FRYL: variants seen among roughly 807,000 people sequenced by gnomAD.
FRYL encodes FRY like transcription coactivator, also known as protein furry homolog-like.
FRYL carries 150 observed loss-of-function variants against 351.2 expected under a neutral mutation model. The observed-to-expected ratio is 0.43, with a 90% CI of 0.37 to 0.49. FRYL has a LOEUF of 0.49. FRYL is among the 20% of genes least tolerant of loss of function. FRYL has a pLI of 0.00. For synonymous variants in FRYL, 1,153 were observed against 1,257.1 expected, an observed-to-expected ratio of 0.92 and a Z score of 1.75; for missense variants, 3,036 against 3,619.3, an observed-to-expected ratio of 0.84 and a Z score of 4.13.
intron 1 of FRYL, among the ~76,000 whole-genome samples, chr4:48,720,885 G>T (rs1405020996): frequency 6.6e-6 from 1 of 152,180 alleles, no homozygotes; most frequent in Non-Finnish European, 1.5e-5. Context: ...AGATTCTATG[G>T]CACTACACCA....
intron 55 of FRYL, 39 bp from the exon 56 acceptor site, chr4:48,515,314 TAA>T (rs368565814): frequency 6.9e-7 from 1 of 1,457,196 alleles, no homozygotes; most frequent in Non-Finnish European, 9.4e-7. Flanking sequence ...TATAAACACA[TAA>T]AAAAAGAATT....
chr4:48,602,009 T>G lies in FRYL; in HGVS notation c.1035+11A>C. On this transcript the variant is annotated intron_variant, in intron 13 of 63. Coordinates refer to ENST00000358350, the MANE Select transcript of FRYL (RefSeq NM_015030.2). The stretch of plus-strand genomic sequence containing the variant: ...CAGTATTTACATATCAGAAGTGTGA[T>G]TACATCTTACCTTTAAATGTGACAA... The G allele has an allele frequency of 1.4e-6, 2 of 1,429,828 alleles. No homozygotes were observed. Among genetic ancestry groups the G allele is most frequent in the Non-Finnish European group, 2.0e-6 (2 of 1,015,016 alleles). 88.6% of individuals were successfully genotyped at this position (1,429,828 alleles called of 1,614,324 possible). A position where few individuals can be genotyped will look rare whatever the true frequency, so the allele number is the denominator to read the frequency against.
rs570512503 is a variant in FRYL, at chr4:48,555,175, AT to A, written c.4267-1793del. Among the ~76,000 whole-genome samples, 3 of 152,238 alleles carry A rather than the reference AT, an allele frequency of 2.0e-5. No individual in the cohort carries two copies. In the South Asian group the frequency reaches 6.2e-4, roughly 32 times the overall value. ...TTCCTGGAAAATGGCTATTCCCCAA[AT>A]TTTCATTTGGCCTCTTAAAAGTATA... On this transcript the variant is annotated intron_variant, in intron 35 of 63. Coordinates refer to ENST00000358350, the MANE Select transcript of FRYL (RefSeq NM_015030.2).
At chr4:48,601,160 A>G (rs960287078) in intron 13 of FRYL, among the ~76,000 whole-genome samples, 1 of 152,186 alleles carries the variant, frequency 6.6e-6, no homozygotes, top group African/African-American at 2.4e-5. Flanking sequence ...CACTTTCTCT[A>G]TCTGCCTCGG....
At chr4:48,538,147 T>C (rs1309133553) in intron 47 of FRYL, among the ~76,000 whole-genome samples, 4 of 152,176 alleles carry the variant, frequency 2.6e-5, no homozygotes, top group Non-Finnish European at 5.9e-5. Flanking sequence ...TTTCTAATAG[T>C]CATAATTTTC....
chr4:48,779,750 G>A (rs901486105), intron 1 of FRYL, among the ~76,000 whole-genome samples: 4 of 151,902 alleles, frequency 2.6e-5, no homozygotes, highest in African/African-American at 4.8e-5. Flanking sequence ...CGCGAGAAGA[G>A]CCAGGCACTG....
intron 62 of FRYL, 61 bp downstream of exon 62, chr4:48,501,562 G>T (rs1717728765): frequency 8.9e-6 from 8 of 898,308 alleles, no homozygotes; most frequent in Admixed American, 1.9e-5. Flanking sequence ...ACAAGTAATA[G>T]ATTTTATTTT....
chr4:48,543,234 C>G (rs2148946490), intron 44 of FRYL, among the ~76,000 whole-genome samples: 1 of 152,300 alleles, frequency 6.6e-6, no homozygotes, highest in Non-Finnish European at 1.5e-5. Flanking sequence ...ATATGTAAAA[C>G]AATTCCTTCT....
intron 2 of FRYL, among the ~76,000 whole-genome samples, chr4:48,704,353 A>G (rs1386677981): frequency 1.3e-5 from 2 of 152,234 alleles, no homozygotes; most frequent in East Asian, 3.8e-4. Context: ...TAACACTACA[A>G]TGAGATTCCA....
intron 41 of FRYL, 93 bp from the exon 42 acceptor site, chr4:48,546,364 G>A: frequency 5.3e-6 from 5 of 938,192 alleles, no homozygotes; most frequent in South Asian, 1.6e-5. Context: ...GACTCTATGG[G>A]ACACATGAGG....
In FRYL at chr4:48,556,916, C is replaced by T. The variant is rs1201417094; in HGVS notation, c.4266+62G>A. On this transcript the variant is annotated intron_variant, in intron 35 of 63. Coordinates refer to ENST00000358350, the MANE Select transcript of FRYL (RefSeq NM_015030.2). ...TGGGCAACTGCTGCCCATACTCTGA[C>T]ATCACAAGATACTAGTAAATATATA... is the stretch of plus-strand genomic sequence containing the variant. The T allele has an allele frequency of 1.1e-5, 15 of 1,391,318 alleles. 3 individuals are homozygous for T. Among genetic ancestry groups the T allele is most frequent in the Non-Finnish European group, 6.8e-6 (7 of 1,034,788 alleles). The allele number at this position is 1,391,318 out of a possible 1,614,324, so 86.2% of individuals were successfully genotyped here. A position where few individuals can be genotyped will look rare whatever the true frequency, so the allele number is the denominator to read the frequency against.
intron 1 of FRYL, among the ~76,000 whole-genome samples, chr4:48,776,060 AG>A (rs1159883170): frequency 6.6e-6 from 1 of 151,414 alleles, no homozygotes; most frequent in African/African-American, 2.4e-5. Context: ...AAAAAGAAAA[AG>A]AAAAAAAGGA....
intron 27 of FRYL, among the ~76,000 whole-genome samples, chr4:48,569,453 C>T (rs373570659): frequency 2.6e-5 from 4 of 152,112 alleles, no homozygotes; most frequent in Non-Finnish European, 4.4e-5. Context: ...ACTACAGGCA[C>T]GCATCACCGT....
chr4:48,755,278 C>T (rs1358041990), intron 1 of FRYL, among the ~76,000 whole-genome samples: 1 of 152,168 alleles, frequency 6.6e-6, no homozygotes, highest in African/African-American at 2.4e-5. Context: ...CACTATTTCA[C>T]TCAGAAATAC....
At chr4:48,736,643 A>G (rs1267078401) in intron 1 of FRYL, among the ~76,000 whole-genome samples, 1 of 151,924 alleles carries the variant, frequency 6.6e-6, no homozygotes, top group African/African-American at 2.4e-5. Flanking sequence ...TGAGGTCAAG[A>G]GTTCAAGACC....
At chr4:48,707,087 GTT>G (rs1317858564) in intron 2 of FRYL, among the ~76,000 whole-genome samples, 13 of 152,192 alleles carry the variant, frequency 8.5e-5, no homozygotes, top group Admixed American at 3.9e-4. Context: ...TTTCAGGGTA[GTT>G]TGTTACACAG....
chr4:48,706,108 T>C (rs1432071915), intron 2 of FRYL, among the ~76,000 whole-genome samples: 4 of 152,144 alleles, frequency 2.6e-5, no homozygotes, highest in African/African-American at 9.7e-5. Flanking sequence ...GCTGGAATTA[T>C]AGGCATGAGC....
chr4:48,522,897 A>G lies in FRYL; in HGVS notation c.7521+4T>C, dbSNP rs1725217652. Reference sequence around the variant, plus strand: ...TGTCACTGTAAGAAAAGTGAATTGTATACCATCTGTGTGCGTGAGAGTATC... The same window carrying G: ...TGTCACTGTAAGAAAAGTGAATTGTGTACCATCTGTGTGCGTGAGAGTATC... On this transcript the variant is annotated splice_donor_region_variant and intron_variant, in intron 54 of 63. Transcript: ENST00000358350. 6.2e-6 allele frequency: 10 copies of G among 1,604,166 alleles called. No individual in the cohort carries two copies. In the East Asian group the frequency reaches 2.0e-4, roughly 32 times the overall value.
At chr4:48,623,024 A>G in intron 5 of FRYL, 102 bp downstream of exon 5, 1 of 705,680 alleles carries the variant, frequency 1.4e-6, no homozygotes, top group Non-Finnish European at 2.4e-6. Flanking sequence ...ACAAGGATAT[A>G]TAGAAATTAA....
Sources: allele counts gnomAD v4.1 joint callset (sites outside exome capture counted in the v4.1 genomes callset), GRCh38; gene constraint gnomAD v4.1.1; transcripts MANE v1.5; gene names NCBI Gene and HGNC (gene_info 2026-07-23, HGNC 2026-07-21).